The following RUNX1T1 variants were observed in gnomAD, a reference collection of about 807,000 sequenced individuals.
The protein encoded by RUNX1T1 is RUNX1 partner transcriptional co-repressor 1.
Under a neutral mutation model 62.8 loss-of-function variants are expected in RUNX1T1, and 4 were observed. The ratio of observed to expected loss-of-function variants is 0.06; its 90% CI spans 0.03 to 0.15. The LOEUF is 0.15. Among genes scored for constraint, RUNX1T1 ranks in the 10% least tolerant of loss-of-function variants. The pLI is 1.00. For synonymous variants in RUNX1T1, 291 were observed against 286.0 expected (o/e 1.02, Z -0.18); for missense variants, 508 against 754.3 (o/e 0.67, Z 3.82).
intron 8 of RUNX1T1, among the ~76,000 whole-genome samples, chr8:91,982,977 G>A (rs1347838389): frequency 7.8e-6 from 1 of 127,432 alleles, no homozygotes; most frequent in African/African-American, 3.0e-5. Flanking sequence ...GTCTAGGCTC[G>A]AGTGCAATGG....
At chr8:92,016,026 G>A (rs1822923948) in intron 2 of RUNX1T1, among the ~76,000 whole-genome samples, 1 of 152,304 alleles carries the variant, frequency 6.6e-6, no homozygotes, top group Admixed American at 6.5e-5. Context: ...TAAACAGCCT[G>A]AGATGCGTAC....
chr8:92,007,208 G>A (rs1820956456), intron 4 of RUNX1T1, among the ~76,000 whole-genome samples: 1 of 152,146 alleles, frequency 6.6e-6, no homozygotes, highest in African/African-American at 2.4e-5. Flanking sequence ...GCTCACGCCT[G>A]TAATCCCAGC....
intron 9 of RUNX1T1, among the ~76,000 whole-genome samples, chr8:91,973,575 T>C (rs765181031): frequency 6.6e-6 from 1 of 152,058 alleles, no homozygotes; most frequent in African/African-American, 2.4e-5. Flanking sequence ...AGATAATGTA[T>C]AATAATTTCA....
chr8:92,057,172 T>C (rs187034057), intron 1 of RUNX1T1, among the ~76,000 whole-genome samples: 8 of 152,316 alleles, frequency 5.3e-5, no homozygotes, highest in African/African-American at 1.7e-4. Context: ...ATGCTTTTTC[T>C]GTTTTTATTT....
chr8:91,989,436 T>G (rs1456128673), intron 6 of RUNX1T1, among the ~76,000 whole-genome samples: 3 of 152,164 alleles, frequency 2.0e-5, no homozygotes, highest in Non-Finnish European at 4.4e-5. Flanking sequence ...TAAGCTAATA[T>G]AATTAAAAGG....
At chr8:92,023,442 C>T (rs1228478716) in intron 1 of RUNX1T1, among the ~76,000 whole-genome samples, 1 of 152,162 alleles carries the variant, frequency 6.6e-6, no homozygotes, top group African/African-American at 2.4e-5. Context: ...AACTAGCCTT[C>T]TTCTGTTCAC....
intron 8 of RUNX1T1, among the ~76,000 whole-genome samples, chr8:91,983,479 T>C (rs990692515): frequency 6.6e-6 from 1 of 152,168 alleles, no homozygotes; most frequent in African/African-American, 2.4e-5. Context: ...AGTAGGGCAA[T>C]ATTTTGAACC....
chr8:92,017,562 C>T, intron 1 of RUNX1T1, 199 bp from the exon 3 acceptor site: 2 of 1,450,594 alleles, frequency 1.4e-6, no homozygotes, highest in Admixed American at 2.7e-5. Flanking sequence ...GATGGCAGGA[C>T]CTCATTTGTA....
At chr8:92,029,794 C>A (rs1307573725) in intron 1 of RUNX1T1, among the ~76,000 whole-genome samples, 1 of 152,062 alleles carries the variant, frequency 6.6e-6, no homozygotes, top group Non-Finnish European at 1.5e-5. Flanking sequence ...CTTGTAAAAC[C>A]AAATGTTTCA....
At chr8:92,075,669 T>C (rs1834313205) in intron 2 of RUNX1T1, among the ~76,000 whole-genome samples, 1 of 152,138 alleles carries the variant, frequency 6.6e-6, no homozygotes, top group Admixed American at 6.5e-5. Context: ...ACAGATGTAT[T>C]ATGAAACATG....
At chr8:92,057,605 A>G (rs1183780409) in intron 1 of RUNX1T1, among the ~76,000 whole-genome samples, 1 of 152,210 alleles carries the variant, frequency 6.6e-6, no homozygotes, top group Non-Finnish European at 1.5e-5. Context: ...TGAGATTAAG[A>G]GGATTTTCTG....
intron 9 of RUNX1T1, among the ~76,000 whole-genome samples, chr8:91,973,366 T>C (rs980635042): frequency 1.3e-5 from 2 of 151,960 alleles, no homozygotes; most frequent in African/African-American, 2.4e-5. Context: ...TACTTTTTTT[T>C]TGCAACTTTC....
chr8:91,986,940 C>G, exon 7 of RUNX1T1: 1 of 1,612,478 alleles, frequency 6.2e-7, no homozygotes, highest in Non-Finnish European at 8.5e-7. Flanking sequence ...AGTCTGTGAT[C>G]AATCATTTCT....
intron 1 of RUNX1T1, among the ~76,000 whole-genome samples, chr8:92,026,899 C>T (rs535062570): frequency 2.2e-4 from 33 of 151,478 alleles, no homozygotes; most frequent in East Asian, 1.6e-3. Context: ...GGGCGGATCA[C>T]GAGGTCAGGA....
At chr8:92,083,086 C>A (rs1439426139) in intron 1 of RUNX1T1, among the ~76,000 whole-genome samples, 3 of 152,160 alleles carry the variant, frequency 2.0e-5, no homozygotes, top group African/African-American at 7.2e-5. Context: ...TTTCAAGAAG[C>A]TTATCCTTTA....
chr8:91,988,919 A>G (rs547086686), intron 6 of RUNX1T1, among the ~76,000 whole-genome samples: 1 of 152,302 alleles, frequency 6.6e-6, no homozygotes, highest in Non-Finnish European at 1.5e-5. Context: ...AATAAAAAAT[A>G]AATCAAGATT....
chr8:91,976,052 T>C (rs2130702649), intron 8 of RUNX1T1, 79 bp from the exon 10 acceptor site: 1 of 979,198 alleles, frequency 1.0e-6, no homozygotes, highest in Non-Finnish European at 1.6e-6. Context: ...AGAGTGAAAG[T>C]AAGCAATGCC....
At chr8:92,064,617 CT>C (rs2130645713), upstream of RUNX1T1, among the ~76,000 whole-genome samples, 1 of 152,192 alleles carries the variant, frequency 6.6e-6, no homozygotes, top group East Asian at 1.9e-4. Flanking sequence ...CTACATGCCA[CT>C]GATTTTTTTT....
intron 8 of RUNX1T1, among the ~76,000 whole-genome samples, chr8:91,981,310 T>C (rs926409369): frequency 6.6e-6 from 1 of 151,410 alleles, no homozygotes; most frequent in African/African-American, 2.4e-5. Flanking sequence ...ATCATAAAAC[T>C]TGCCAGCTAG....
Sources: allele counts gnomAD v4.1 joint callset (sites outside exome capture counted in the v4.1 genomes callset), GRCh38; gene constraint gnomAD v4.1.1; transcripts MANE v1.5; gene names NCBI Gene and HGNC (gene_info 2026-07-23, HGNC 2026-07-21).